The following IL31RA variants were observed in gnomAD, a reference collection of about 807,000 sequenced individuals.
IL31RA encodes interleukin-31 receptor subunit alpha.
In IL31RA, 66 loss-of-function variants were observed where a neutral mutation model predicts 83.7. The observed-to-expected ratio is 0.79, with a 90% CI of 0.65 to 0.97. IL31RA has a LOEUF of 0.97. Ranked by LOEUF, IL31RA falls within the 50% of genes least tolerant of loss-of-function variation. The probability of loss-of-function intolerance (pLI) is 0.00; values close to 1 mark genes in which losing one functional copy is unlikely to be tolerated. For synonymous variants in IL31RA, 325 were observed against 329.0 expected, an observed-to-expected ratio of 0.99 and a Z score of 0.13; for missense variants, 798 against 919.4, an observed-to-expected ratio of 0.87 and a Z score of 1.71.
Position 55,916,777 on chromosome 5 carries a change from T to C in IL31RA, c.1952T>C (p.Ile651Thr). 6.2e-7 allele frequency: 1 copy of C among 1,614,062 alleles called. No homozygotes were observed. The change falls in exon 15 of 15, where the codon ATT becomes ACT. Residue 651 changes from isoleucine to threonine, a missense_variant. Coordinates refer to ENST00000652347, the MANE Select transcript of IL31RA (RefSeq NM_139017.7). ...VVNFGNVLQE[I>T]FTDEARTGQE... ...AACTTTGGGAATGTTCTGCAAGAAA[T>C]TTTCACAGATGAAGCCAGAACGGGT... is the stretch of plus-strand genomic sequence containing the variant.
rs1265501948 is a variant in IL31RA at position 55,920,032 on chromosome 5, C to T, written c.*2912C>T. 6.6e-6 allele frequency among the ~76,000 whole-genome samples: 1 copy of T among 152,228 alleles called. No individual in the cohort carries two copies. Among genetic ancestry groups the T allele is most frequent in the Non-Finnish European group, 1.5e-5 (1 of 68,034 alleles). On this transcript the variant is annotated 3_prime_UTR_variant, in exon 15 of 15. Transcript: ENST00000652347. ...AGCTAGGTTAGTGGCCTTTCTTTAA[C>T]AGTAAGAGCAGAAAATTTTTAAAGA...
At chr5:55,887,683 G>A (rs550725119) in intron 5 of IL31RA, among the ~76,000 whole-genome samples, 3 of 152,042 alleles carry the variant, frequency 2.0e-5, no homozygotes, top group Non-Finnish European at 2.9e-5. Flanking sequence ...TTAGGAGATC[G>A]AGACCATCCT....
intron 11 of IL31RA, 29 bp from the exon 12 acceptor site, chr5:55,910,502 TG>T (rs770929454): frequency 1.1e-5 from 17 of 1,613,830 alleles, no homozygotes; most frequent in Non-Finnish European, 1.4e-5. Flanking sequence ...GGTTTGGCTG[TG>T]GTGTTTGACC....
chr5:55,853,635 C>T (rs1047115264), intron 1 of IL31RA: 7 of 1,511,904 alleles, frequency 4.6e-6, no homozygotes, highest in Non-Finnish European at 6.3e-6. Context: ...AAGTCTTTTT[C>T]TGTTTTCTTC....
intron 3 of IL31RA, among the ~76,000 whole-genome samples, chr5:55,870,508 TATAGG>T (rs1382952536): frequency 6.6e-6 from 1 of 152,214 alleles, no homozygotes; most frequent in African/African-American, 2.4e-5. Flanking sequence ...TGGGCACCTT[TATAGG>T]TTTACTGCTA....
At position 55,896,341 on chromosome 5, in the gene IL31RA, T is replaced by C. The variant is rs73118479; in HGVS notation, c.773-9T>C. 3,948 of 1,605,150 alleles carry C rather than the reference T, an allele frequency of 2.5e-3. 85 individuals carry two copies. In the African/African-American group the frequency reaches 0.045, roughly 18 times the overall value. ...TCTGGGTTGAGTACCTCATTCTTGT[T>C]CCTTACAGCTCCATGTGGCCTGGAA... On this transcript the variant is annotated splice_polypyrimidine_tract_variant and intron_variant, in intron 6 of 14. Coordinates refer to ENST00000652347, the MANE Select transcript of IL31RA (RefSeq NM_139017.7).
chr5:55,866,134 C>T (rs1470464944), intron 2 of IL31RA, among the ~76,000 whole-genome samples: 3 of 152,184 alleles, frequency 2.0e-5, no homozygotes, highest in Non-Finnish European at 4.4e-5. Flanking sequence ...ATCCTCGCCC[C>T]TGACTTTGAG....
At chr5:55,868,948 G>A (rs764252077) in intron 3 of IL31RA, 40 bp downstream of exon 3, 1 of 1,049,394 alleles carries the variant, frequency 9.5e-7, no homozygotes, top group South Asian at 1.3e-5. Flanking sequence ...CAGGGCATGG[G>A]GGAGGCAGAG....
At chr5:55,890,244 AC>A in intron 6 of IL31RA, 109 bp downstream of exon 6, 2 of 1,100,204 alleles carry the variant, frequency 1.8e-6, no homozygotes, top group Non-Finnish European at 2.7e-6. Context: ...GAATCTCATG[AC>A]CCCAGGGGCC....
At chr5:55,842,945 G>A in the IL31RA span, among the ~76,000 whole-genome samples, 1 of 152,148 alleles carries the variant, frequency 6.6e-6, no homozygotes. Flanking sequence ...GCTCAGCTCT[G>A]CCCCGTCTTT....
At chr5:55,861,461 C>G (rs1399392596) in intron 2 of IL31RA, among the ~76,000 whole-genome samples, 1 of 152,158 alleles carries the variant, frequency 6.6e-6, no homozygotes, top group Non-Finnish European at 1.5e-5. Context: ...TATGAGGGAT[C>G]TATTAATAGG....
At chr5:55,867,225 G>GCGCA (rs1561543414) in intron 2 of IL31RA, among the ~76,000 whole-genome samples, 1,796 of 121,828 alleles carry the variant, frequency 0.015, 67 homozygotes, top group African/African-American at 0.057. Flanking sequence ...GTGTGTTTGT[G>GCGCA]TGTGTGTTTG....
chr5:55,893,684 T>G lies in IL31RA; in HGVS notation c.773-2666T>G, dbSNP rs72763880. Among the ~76,000 whole-genome samples, 659 of 152,244 alleles carry G rather than the reference T, an allele frequency of 4.3e-3. 6 individuals are homozygous for G. Among genetic ancestry groups the G allele is most frequent in the African/African-American group, 0.015 (633 of 41,524 alleles). On this transcript the variant is annotated intron_variant, in intron 6 of 14. Transcript: ENST00000652347. ...AGCTGCATCTGTGGGAAGTCTATACTGAGAAGACTGTCTCTCTTTGGACCA... is the reference window on the plus strand; with the variant it reads ...AGCTGCATCTGTGGGAAGTCTATACGGAGAAGACTGTCTCTCTTTGGACCA...
At chr5:55,914,677 C>T (rs536290329) in intron 13 of IL31RA, among the ~76,000 whole-genome samples, 170 bp from the exon 14 acceptor site, 2 of 152,280 alleles carry the variant, frequency 1.3e-5, no homozygotes, top group Admixed American at 1.3e-4. Context: ...CACCCCCCAA[C>T]ACACACCGCA....
rs770234694 is a variant in IL31RA, at chr5:55,889,957, C to G, written c.607-13C>G. ...GGTCTCCATTTCAGTTTAGGATTGT[C>G]TCTGTCTTGTAGATGGAAGTCAACT... On this transcript the variant is annotated splice_polypyrimidine_tract_variant and intron_variant, in intron 5 of 14. Coordinates refer to ENST00000652347, the MANE Select transcript of IL31RA (RefSeq NM_139017.7). The G allele has an allele frequency of 1.2e-6, 2 of 1,613,686 alleles. No individual in the cohort carries two copies. Among genetic ancestry groups the G allele is most frequent in the Non-Finnish European group, 1.7e-6 (2 of 1,179,614 alleles).
At chr5:55,884,608 A>G (rs1231953062) in intron 5 of IL31RA, among the ~76,000 whole-genome samples, 1 of 151,888 alleles carries the variant, frequency 6.6e-6, no homozygotes, top group Admixed American at 6.6e-5. Context: ...CTGATTTTTA[A>G]ATTTTTTTTG....
intron 1 of IL31RA, among the ~76,000 whole-genome samples, chr5:55,857,079 G>A (rs1228030353): frequency 1.3e-5 from 2 of 150,134 alleles, no homozygotes; most frequent in Non-Finnish European, 3.0e-5. Flanking sequence ...GCCCCTGGGA[G>A]GCATCTCACC....
chr5:55,865,098 GAC>G (rs1412325641), intron 2 of IL31RA, among the ~76,000 whole-genome samples: 1 of 152,190 alleles, frequency 6.6e-6, no homozygotes, highest in African/African-American at 2.4e-5. Flanking sequence ...TCTGTTTGCT[GAC>G]CCCAAAAGTC....
intron 11 of IL31RA, among the ~76,000 whole-genome samples, chr5:55,909,800 G>A (rs1749384213): frequency 6.6e-6 from 1 of 151,970 alleles, no homozygotes; most frequent in Admixed American, 6.6e-5. Flanking sequence ...CACCTCCCAG[G>A]TTCAAGCGAT....
Sources: allele counts gnomAD v4.1 joint callset (sites outside exome capture counted in the v4.1 genomes callset), GRCh38; gene constraint gnomAD v4.1.1; transcripts MANE v1.5; gene names NCBI Gene and HGNC (gene_info 2026-07-23, HGNC 2026-07-21).